Variants in SH3GL3 observed in about 807,000 individuals in gnomAD.
The protein encoded by SH3GL3 is SH3 domain containing GRB2 like 3, endophilin A3, also known as endophilin-A3.
Under a neutral mutation model 47.7 loss-of-function variants are expected in SH3GL3, and 33 were observed. The ratio of observed to expected loss-of-function variants is 0.69; its 90% CI spans 0.52 to 0.92. The LOEUF (loss-of-function observed/expected upper bound fraction) is 0.92, where lower values mean the gene tolerates loss of function less well. SH3GL3 is among the 40% of genes least tolerant of loss of function. The probability of loss-of-function intolerance (pLI) is 0.00; values close to 1 mark genes in which losing one functional copy is unlikely to be tolerated. For synonymous variants in SH3GL3, 155 were observed against 148.8 expected (o/e 1.04, Z -0.30); for missense variants, 363 against 417.8 (o/e 0.87, Z 1.14).
intron 1 of SH3GL3, among the ~76,000 whole-genome samples, chr15:83,529,666 T>C (rs2043581116): frequency 6.9e-6 from 1 of 145,366 alleles, no homozygotes; most frequent in Non-Finnish European, 1.5e-5. Flanking sequence ...TGGGGAGAGC[T>C]TGTCCCCAAG....
intron 4 of SH3GL3, among the ~76,000 whole-genome samples, chr15:83,568,902 CTTT>C (rs58463834): frequency 2.1e-4 from 27 of 130,912 alleles, no homozygotes; most frequent in Admixed American, 2.3e-4. Context: ...TGTTGTGTAT[CTTT>C]TTTTTTTTTT....
chr15:83,607,647 G>C (rs971386058), intron 8 of SH3GL3, among the ~76,000 whole-genome samples: 1 of 152,048 alleles, frequency 6.6e-6, no homozygotes, highest in African/African-American at 2.4e-5. Flanking sequence ...GATTTTTCAA[G>C]AGAAGCCAGA....
At chr15:83,488,604 C>T (rs777267873) in intron 1 of SH3GL3, among the ~76,000 whole-genome samples, 6 of 152,190 alleles carry the variant, frequency 3.9e-5, no homozygotes, top group Non-Finnish European at 7.3e-5. Flanking sequence ...CTCTCCTATC[C>T]TGAATTGGTT....
At chr15:83,474,922 A>T (rs2041025702) in intron 1 of SH3GL3, among the ~76,000 whole-genome samples, 1 of 152,016 alleles carries the variant, frequency 6.6e-6, no homozygotes, top group Non-Finnish European at 1.5e-5. Flanking sequence ...CAGCCTCACA[A>T]GTGGGCTGAG....
In SH3GL3 at chr15:83,599,906, G is replaced by A. The variant is rs545906181; in HGVS notation, c.838+11135G>A. The stretch of plus-strand genomic sequence containing the variant: ...ATTCTTGCAGGGGTAAGTTGATATC[G>A]CATTGTGGTTTTGATTTGCATTTCC... On this transcript the variant is annotated intron_variant, in intron 8 of 8. Coordinates refer to ENST00000427482, the MANE Select transcript of SH3GL3 (RefSeq NM_003027.5). Among the ~76,000 whole-genome samples, 41 of 152,008 alleles carry A rather than the reference G, an allele frequency of 2.7e-4. No homozygotes were observed. In the South Asian group the frequency reaches 5.0e-3, roughly 18 times the overall value.
At chr15:83,449,008 G>C (rs1324410061) in intron 1 of SH3GL3, among the ~76,000 whole-genome samples, 1 of 152,142 alleles carries the variant, frequency 6.6e-6, no homozygotes, top group African/African-American at 2.4e-5. Flanking sequence ...TGCAGCTCAG[G>C]GGGTGAGGCT....
At position 83,550,001 on chromosome 15, in the gene SH3GL3, T is replaced by C. The variant is rs777457405; in HGVS notation, c.46-9252T>C. 4.4e-4 allele frequency among the ~76,000 whole-genome samples: 67 copies of C among 152,160 alleles called. 1 individual carries two copies. The highest frequency in any genetic ancestry group is 1.6e-4 in the Non-Finnish European group (11 of 68,036). On this transcript the variant is annotated intron_variant, in intron 1 of 8. Transcript: ENST00000427482. ...CTTGGTTGCTCCGATGACCTCAAGATCTCTTTAAACTTGGAAATTTGAAAA... is the reference window on the plus strand; with the variant it reads ...CTTGGTTGCTCCGATGACCTCAAGACCTCTTTAAACTTGGAAATTTGAAAA...
At chr15:83,532,432 G>T (rs959454232) in intron 1 of SH3GL3, among the ~76,000 whole-genome samples, 4 of 152,150 alleles carry the variant, frequency 2.6e-5, no homozygotes, top group Non-Finnish European at 4.4e-5. Context: ...AAGTGTCTAA[G>T]GAGGAAGGGG....
intron 2 of SH3GL3, among the ~76,000 whole-genome samples, chr15:83,564,483 CTTTATTG>C (rs1007985324): frequency 6.6e-6 from 1 of 152,028 alleles, no homozygotes; most frequent in Non-Finnish European, 1.5e-5. Context: ...TGCATTTTAA[CTTTATTG>C]TTTATTCCCA....
intron 8 of SH3GL3, among the ~76,000 whole-genome samples, chr15:83,603,191 G>A (rs1393142094): frequency 2.0e-5 from 3 of 151,898 alleles, no homozygotes; most frequent in Admixed American, 6.6e-5. Context: ...GTAGAGATGG[G>A]GCTTCACCAT....
intron 8 of SH3GL3, among the ~76,000 whole-genome samples, chr15:83,604,968 A>G (rs1292254768): frequency 1.3e-5 from 2 of 152,238 alleles, no homozygotes; most frequent in African/African-American, 4.8e-5. Context: ...CACTAAATGC[A>G]TCTGACTTGG....
intron 1 of SH3GL3, among the ~76,000 whole-genome samples, chr15:83,486,945 G>A (rs1192148772): frequency 6.6e-6 from 1 of 151,644 alleles, no homozygotes; most frequent in Non-Finnish European, 1.5e-5. Context: ...TAAGCACACC[G>A]GCCCCATCAT....
chr15:83,481,414 G>A (rs1049624951), intron 1 of SH3GL3, among the ~76,000 whole-genome samples: 3 of 152,194 alleles, frequency 2.0e-5, no homozygotes, highest in African/African-American at 7.2e-5. Flanking sequence ...GTGGGCAATG[G>A]ATTTCTAGTA....
At chr15:83,471,462 C>T (rs2040826067) in intron 1 of SH3GL3, among the ~76,000 whole-genome samples, 1 of 152,164 alleles carries the variant, frequency 6.6e-6, no homozygotes, top group Non-Finnish European at 1.5e-5. Context: ...TAACAAACAG[C>T]CAAGTTTCAG....
chr15:83,557,094 G>T (rs1490418419), intron 1 of SH3GL3, among the ~76,000 whole-genome samples: 1 of 152,198 alleles, frequency 6.6e-6, no homozygotes. Context: ...AAGTCGAAGC[G>T]TGGAAAAATA....
At chr15:83,596,643 G>A (rs1159869551) in intron 8 of SH3GL3, among the ~76,000 whole-genome samples, 1 of 152,000 alleles carries the variant, frequency 6.6e-6, no homozygotes, top group African/African-American at 2.4e-5. Flanking sequence ...TTGTTTGTTT[G>A]TTTGTTTTAA....
chr15:83,596,013 T>G (rs924806451), intron 8 of SH3GL3, among the ~76,000 whole-genome samples: 1 of 152,214 alleles, frequency 6.6e-6, no homozygotes, highest in Non-Finnish European at 1.5e-5. Flanking sequence ...TTTAGCGCTA[T>G]CAATTTCCCC....
At chr15:83,562,853 C>T (rs757129538) in intron 2 of SH3GL3, among the ~76,000 whole-genome samples, 12 of 152,170 alleles carry the variant, frequency 7.9e-5, no homozygotes, top group Non-Finnish European at 1.3e-4. Flanking sequence ...AACATTTCAA[C>T]AATCTTGGCA....
intron 8 of SH3GL3, among the ~76,000 whole-genome samples, chr15:83,599,294 C>T (rs1020160730): frequency 1.3e-5 from 2 of 152,056 alleles, no homozygotes; most frequent in African/African-American, 4.8e-5. Flanking sequence ...TCAGTGCACC[C>T]ATCAGCCGAG....
Sources: allele counts gnomAD v4.1 joint callset (sites outside exome capture counted in the v4.1 genomes callset), GRCh38; gene constraint gnomAD v4.1.1; transcripts MANE v1.5; gene names NCBI Gene and HGNC (gene_info 2026-07-23, HGNC 2026-07-21).